The following CRB1 variants were observed in gnomAD, a reference collection of about 807,000 sequenced individuals.
CRB1 encodes the protein protein crumbs homolog 1.
CRB1 carries 83 observed loss-of-function variants against 120.0 expected under a neutral mutation model. That is an observed-to-expected ratio of 0.69 (90% CI 0.58 to 0.83). The LOEUF (loss-of-function observed/expected upper bound fraction) is 0.83. Among genes scored for constraint, CRB1 ranks in the 40% least tolerant of loss-of-function variants. The probability of loss-of-function intolerance (pLI) is 0.00; values close to 1 mark genes in which losing one functional copy is unlikely to be tolerated. For synonymous variants in CRB1, 625 were observed against 612.5 expected (o/e 1.02, Z -0.30); for missense variants, 1,699 against 1,687.6 (o/e 1.01, Z -0.12).
chr1:197,400,054 A>G (rs941814775), intron 5 of CRB1, among the ~76,000 whole-genome samples: 1 of 152,142 alleles, frequency 6.6e-6, no homozygotes, highest in Non-Finnish European at 1.5e-5. Context: ...CATGGGGATC[A>G]TTGGGAGCTA....
At chr1:197,413,927 A>G in intron 5 of CRB1, 2 of 456,756 alleles carry the variant, frequency 4.4e-6, no homozygotes, top group Non-Finnish European at 8.8e-6. Context: ...GTTTGGATGG[A>G]TACCTCTTTT....
chr1:197,254,910 G>A, the CRB1 span, among the ~76,000 whole-genome samples: 1 of 152,022 alleles, frequency 6.6e-6, no homozygotes, highest in African/African-American at 2.4e-5. Context: ...ATTTTGTGAT[G>A]GATCTTATCT....
the CRB1 span, among the ~76,000 whole-genome samples, chr1:197,240,687 G>A: frequency 6.6e-6 from 1 of 152,158 alleles, no homozygotes; most frequent in Non-Finnish European, 1.5e-5. Flanking sequence ...GTGTGCATGT[G>A]TCTTTATAGT....
chr1:197,328,680 C>T lies in CRB1; in HGVS notation c.329C>T (p.Thr110Ile). The T allele has an allele frequency of 1.9e-6, 3 of 1,613,798 alleles. No homozygotes were observed. Among genetic ancestry groups the T allele is most frequent in the East Asian group, 4.5e-5 (2 of 44,878 alleles). ...TACAGTGGGACAATCTGTGAAACTA[C>T]CATTGGTTCCTGTGGCAAGAACTCC... ...PGYSGTICET[T>I]IGSCGKNSCQ... Residue 110 changes from threonine to isoleucine, a missense_variant, in exon 2 of 12, where the codon ACC becomes ATC. By Grantham distance (89) the Thr-to-Ile change is moderately conservative. Transcript: ENST00000367400.
At chr1:197,434,398 G>T (rs985201453) in intron 8 of CRB1, among the ~76,000 whole-genome samples, 1 of 152,082 alleles carries the variant, frequency 6.6e-6, no homozygotes, top group Non-Finnish European at 1.5e-5. Flanking sequence ...TATAGTTTTG[G>T]TTTTGCTATC....
intron 2 of CRB1, among the ~76,000 whole-genome samples, chr1:197,330,384 C>T (rs1056188852): frequency 1.1e-4 from 17 of 152,146 alleles, no homozygotes; most frequent in African/African-American, 1.9e-4. Flanking sequence ...AGACCTATGC[C>T]GTAGTTCTGA....
At chr1:197,222,594 C>T in the CRB1 span, 184 of 770,610 alleles carry the variant, frequency 2.4e-4, 2 homozygotes, top group Admixed American at 2.2e-4. Context: ...GCAGTTGGCT[C>T]CTAGTGAGGA....
chr1:197,403,589 C>A (rs1252339565), intron 5 of CRB1, among the ~76,000 whole-genome samples: 1 of 151,832 alleles, frequency 6.6e-6, no homozygotes, highest in Non-Finnish European at 1.5e-5. Context: ...TATCTGAGTT[C>A]TTGATCTTTT....
At chr1:197,408,078 A>T (rs939672849) in intron 5 of CRB1, among the ~76,000 whole-genome samples, 1 of 152,166 alleles carries the variant, frequency 6.6e-6, no homozygotes, top group Non-Finnish European at 1.5e-5. Flanking sequence ...AGGTATTCAC[A>T]CTTATAAGAG....
At chr1:197,308,556 A>G (rs1420713293) in intron 1 of CRB1, among the ~76,000 whole-genome samples, 2 of 152,182 alleles carry the variant, frequency 1.3e-5, no homozygotes, top group Non-Finnish European at 2.9e-5. Flanking sequence ...GTGCTAGTAA[A>G]CAGTTTGGAC....
chr1:197,327,128 A>C (rs1309707840), intron 1 of CRB1, among the ~76,000 whole-genome samples: 2 of 149,734 alleles, frequency 1.3e-5, no homozygotes, highest in Non-Finnish European at 3.0e-5. Context: ...AAAAAAAAAA[A>C]AAAACAGAAA....
upstream of CRB1, among the ~76,000 whole-genome samples, chr1:197,265,960 G>A (rs1452150139): frequency 3.9e-5 from 6 of 152,188 alleles, no homozygotes; most frequent in South Asian, 1.2e-3. Context: ...TATTAATGGT[G>A]TCTTTTCCTC....
chr1:197,402,545 T>C (rs775652091), intron 5 of CRB1, among the ~76,000 whole-genome samples: 12 of 152,200 alleles, frequency 7.9e-5, no homozygotes, highest in Non-Finnish European at 1.6e-4. Context: ...CTGTCTCCTG[T>C]CTTATTCAAC....
At chr1:197,276,695 C>T (rs951343369) in intron 1 of CRB1, among the ~76,000 whole-genome samples, 3 of 151,894 alleles carry the variant, frequency 2.0e-5, no homozygotes, top group Non-Finnish European at 2.9e-5. Flanking sequence ...GAAGCAGGAG[C>T]GTGCCTATAG....
intron 1 of CRB1, among the ~76,000 whole-genome samples, chr1:197,323,474 T>C (rs1658318860): frequency 6.6e-6 from 1 of 152,140 alleles, no homozygotes; most frequent in Non-Finnish European, 1.5e-5. Flanking sequence ...TAGAGGCAAA[T>C]AAACTAGTAA....
intron 5 of CRB1, among the ~76,000 whole-genome samples, chr1:197,395,217 A>C (rs1051049095): frequency 1.3e-5 from 2 of 152,174 alleles, no homozygotes; most frequent in East Asian, 1.9e-4. Context: ...TGAAAATTTT[A>C]TGTAAATTAG....
At chr1:197,381,692 G>A (rs1448311349) in intron 5 of CRB1, among the ~76,000 whole-genome samples, 2 of 152,172 alleles carry the variant, frequency 1.3e-5, no homozygotes, top group Non-Finnish European at 2.9e-5. Flanking sequence ...ACAGATGACA[G>A]CATAACTCAT....
chr1:197,320,330 C>G (rs1422783738), intron 1 of CRB1, among the ~76,000 whole-genome samples: 1 of 152,176 alleles, frequency 6.6e-6, no homozygotes, highest in African/African-American at 2.4e-5. Context: ...CTAATGGAGT[C>G]TGAATACTCA....
intron 7 of CRB1, 74 bp downstream of exon 7, chr1:197,428,075 A>C (rs1664692170): frequency 3.7e-6 from 5 of 1,354,316 alleles, no homozygotes; most frequent in Non-Finnish European, 5.2e-6. Context: ...TAACTTATTA[A>C]AACCATTCTT....
Sources: gnomAD v4.1 joint callset for allele counts (sites outside exome capture counted in the v4.1 genomes callset) on GRCh38, gnomAD v4.1.1 for gene constraint, MANE v1.5 for transcripts, NCBI Gene and HGNC (gene_info 2026-07-23, HGNC 2026-07-21) for gene names.